SLC20A1: variants seen among roughly 807,000 people sequenced by gnomAD.
The protein encoded by SLC20A1 is sodium-dependent phosphate transporter 1.
SLC20A1 carries 28 observed loss-of-function variants against 62.7 expected under a neutral mutation model. That is an observed-to-expected ratio of 0.45 (90% CI 0.33 to 0.61). SLC20A1 has a LOEUF of 0.61. Ranked by LOEUF, SLC20A1 falls within the 20% of genes least tolerant of loss-of-function variation. SLC20A1 has a pLI of 0.02. For missense variants in SLC20A1, 673 were observed against 838.6 expected (o/e 0.80, Z 2.44); for synonymous variants, 305 against 302.9 (o/e 1.01, Z -0.07).
chr2:112,650,999 C>T (rs753313668), intron 4 of SLC20A1, among the ~76,000 whole-genome samples: 5 of 152,196 alleles, frequency 3.3e-5, no homozygotes, highest in Non-Finnish European at 7.3e-5. Flanking sequence ...TGACTGCCCT[C>T]AGAGTTTGAC....
chr2:112,652,642 C>A, intron 4 of SLC20A1, 60 bp from the exon 5 acceptor site: 1 of 1,347,582 alleles, frequency 7.4e-7, no homozygotes, highest in Non-Finnish European at 1.1e-6. Flanking sequence ...TTAAAAGATT[C>A]TGTGGAAATG....
chr2:112,662,917 G>C lies in SLC20A1; in HGVS notation c.1932G>C (p.Trp644Cys). The C allele has an allele frequency of 6.2e-7, 1 of 1,614,128 alleles. No homozygotes were observed. The highest frequency in any genetic ancestry group is 8.5e-7 in the Non-Finnish European group (1 of 1,180,022). Reference sequence around the variant, plus strand: ...TCCGGTCCAAGAAGGCTGTTGACTGGCGTCTCTTTCGTAACATTTTTATGG... The same window carrying C: ...TCCGGTCCAAGAAGGCTGTTGACTGCCGTCTCTTTCGTAACATTTTTATGG... ...GWLRSKKAVD[W>C]RLFRNIFMAW... Residue 644 changes from tryptophan (W) to cysteine (C), a missense_variant, in exon 11 of 11, where the codon TGG becomes TGC. Coordinates refer to ENST00000272542, the MANE Select transcript of SLC20A1 (RefSeq NM_005415.5).
chr2:112,650,374 C>A (rs1031485508), intron 4 of SLC20A1, among the ~76,000 whole-genome samples: 2 of 150,454 alleles, frequency 1.3e-5, no homozygotes, highest in Non-Finnish European at 3.0e-5. Context: ...ACTCTGTTGC[C>A]CAGGCTGGAA....
At position 112,659,362 on chromosome 2, in the gene SLC20A1, T is replaced by G. The variant is rs777811940; in HGVS notation, c.1207T>G (p.Cys403Gly). 1 of 1,614,166 alleles carries G rather than the reference T, an allele frequency of 6.2e-7. No individual in the cohort carries two copies. Among genetic ancestry groups the G allele is most frequent in the African/African-American group, 1.3e-5 (1 of 75,030 alleles). Reference sequence around the variant, plus strand: ...ATTACATCTTGCCAAGGTGGGAGATTGCATGGGAGACTCCGGTGACAAACC... The same window carrying G: ...ATTACATCTTGCCAAGGTGGGAGATGGCATGGGAGACTCCGGTGACAAACC... The part of the protein sequence containing the change: ...HKLHLAKVGD[C>G]MGDSGDKPLR... Residue 403 changes from cysteine (C) to glycine (G), a missense_variant, in exon 8 of 11, where the codon TGC becomes GGC. Coordinates refer to ENST00000272542, the MANE Select transcript of SLC20A1 (RefSeq NM_005415.5).
At chr2:112,652,590 C>T (rs1176941010) in intron 4 of SLC20A1, 112 bp from the exon 5 acceptor site, 13 of 813,010 alleles carry the variant, frequency 1.6e-5, no homozygotes, top group Non-Finnish European at 2.7e-5. Context: ...GGAAACTACT[C>T]TGGAGAGAGT....
intron 5 of SLC20A1, 110 bp from the exon 6 acceptor site, chr2:112,657,012 G>A: frequency 9.5e-6 from 12 of 1,268,502 alleles, no homozygotes; most frequent in Non-Finnish European, 1.4e-5. Flanking sequence ...GCAGCTGTCA[G>A]GGGTGATGGG....
intron 5 of SLC20A1, among the ~76,000 whole-genome samples, chr2:112,656,507 C>CA (rs1484287694): frequency 6.6e-6 from 1 of 152,174 alleles, no homozygotes; most frequent in African/African-American, 2.4e-5. Flanking sequence ...GGCTGAAAGA[C>CA]AAAGCTTTTA....
Position 112,647,366 on chromosome 2 carries a change from C to T in SLC20A1, c.377C>T (p.Pro126Leu), listed in dbSNP as rs1485945264. The change falls in exon 3 of 11, where the codon CCT becomes CTT. Residue 126 changes from proline to leucine, a missense_variant. Pro to Leu is a moderately conservative substitution (Grantham distance 98). Coordinates refer to ENST00000272542, the MANE Select transcript of SLC20A1 (RefSeq NM_005415.5). Reference protein sequence around the residue: ...WQLVASFLKLPISGTHCIVGA... With the variant: ...WQLVASFLKLLISGTHCIVGA... The stretch of plus-strand genomic sequence containing the variant: ...CTCGTGGCTTCGTTTTTGAAGCTCC[C>T]TATTTCTGGAACCCATTGTATTGTT... 6.2e-7 allele frequency: 1 copy of T among 1,614,100 alleles called. No individual in the cohort carries two copies. The highest frequency in any genetic ancestry group is 2.2e-5 in the East Asian group (1 of 44,888).
intron 5 of SLC20A1, among the ~76,000 whole-genome samples, chr2:112,656,771 G>C (rs1264030423): frequency 1.3e-5 from 2 of 152,198 alleles, no homozygotes; most frequent in African/African-American, 4.8e-5. Flanking sequence ...TAGGAGAGTG[G>C]AACACTTGCT....
rs1686802240 is a variant in SLC20A1, at chr2:112,663,400, A to G, written c.*375A>G. 1 of 347,246 alleles carries G rather than the reference A, an allele frequency of 2.9e-6. No homozygotes were observed. Among genetic ancestry groups the G allele is most frequent in the Non-Finnish European group, 5.5e-6 (1 of 180,800 alleles). The allele number at this position is 347,246 out of a possible 1,614,324, so 21.5% of individuals were successfully genotyped here. On this transcript the variant is annotated 3_prime_UTR_variant, in exon 11 of 11. Coordinates refer to ENST00000272542, the MANE Select transcript of SLC20A1 (RefSeq NM_005415.5). ...ACCATGAAGAGCCGTTTGACAGAGC[A>G]TGCTCTGCGTTGTTGGTTTCACCAG...
intron 4 of SLC20A1, 86 bp downstream of exon 4, chr2:112,647,824 G>A: frequency 2.8e-6 from 3 of 1,074,980 alleles, no homozygotes; most frequent in Admixed American, 1.8e-5. Context: ...GATGTGATTG[G>A]TGTATAGGTA....
chr2:112,652,613 A>G, intron 4 of SLC20A1, 89 bp from the exon 5 acceptor site: 2 of 1,034,546 alleles, frequency 1.9e-6, no homozygotes, highest in Non-Finnish European at 1.5e-6. Flanking sequence ...TTGGCACTAT[A>G]ATTCCCAAAC....
chr2:112,660,536 C>A lies in SLC20A1; in HGVS notation c.1757C>A (p.Thr586Asn). The part of the protein sequence containing the change: ...LWVWGRRVIQ[T>N]MGKDLTPITP... ...GTTTGGGGAAGAAGAGTTATCCAGA[C>A]CATGGGGAAGGATCTGACACCGATC... The change falls in exon 9 of 11, where the codon ACC becomes AAC. Residue 586 changes from threonine (T) to asparagine (N), a missense_variant. Physicochemically the swap from Thr to Asn is moderately conservative, Grantham distance 65 (BLOSUM62 0). Coordinates refer to ENST00000272542, the MANE Select transcript of SLC20A1 (RefSeq NM_005415.5). 1 of 1,613,978 alleles carries A rather than the reference C, an allele frequency of 6.2e-7. No homozygotes were observed. The highest frequency in any genetic ancestry group is 8.5e-7 in the Non-Finnish European group (1 of 1,179,954).
chr2:112,646,404 G>A (rs1686277343), intron 1 of SLC20A1, among the ~76,000 whole-genome samples, 159 bp from the exon 2 acceptor site: 1 of 151,990 alleles, frequency 6.6e-6, no homozygotes, highest in African/African-American at 2.4e-5. Context: ...CGGAGGACCC[G>A]GAGCCACGTG....
intron 4 of SLC20A1, among the ~76,000 whole-genome samples, chr2:112,651,728 G>C (rs183327732): frequency 6.6e-6 from 1 of 152,272 alleles, no homozygotes; most frequent in East Asian, 1.9e-4. Flanking sequence ...TTCGGTGTTT[G>C]ACTTGGGTGT....
chr2:112,660,789 A>C (rs1686728223), intron 9 of SLC20A1: 2 of 526,408 alleles, frequency 3.8e-6, no homozygotes, highest in Non-Finnish European at 6.6e-6. Context: ...GAAGAAAATG[A>C]CTTTTCTGAG....
chr2:112,658,565 T>G (rs1179044054), intron 6 of SLC20A1: 1 of 404,758 alleles, frequency 2.5e-6, no homozygotes, highest in African/African-American at 2.1e-5. Flanking sequence ...AACAATGTGC[T>G]ACAGAAGCCC....
chr2:112,650,640 T>C (rs968594156), intron 4 of SLC20A1, among the ~76,000 whole-genome samples: 55 of 151,914 alleles, frequency 3.6e-4, no homozygotes, highest in Admixed American at 2.6e-3. Context: ...TTTTTTTTTT[T>C]CTTAAGCGAA....
Position 112,659,714 on chromosome 2 carries a change from T to C in SLC20A1, c.1559T>C (p.Ile520Thr). The change falls in exon 8 of 11, where the codon ATC becomes ACC. Residue 520 changes from isoleucine to threonine, a missense_variant. By Grantham distance (89) the Ile-to-Thr change is moderately conservative. Transcript: ENST00000272542. ...EVSLLFQFLQ[I>T]LTACFGSFAH... The stretch of plus-strand genomic sequence containing the variant: ...TCTCTCCTCTTCCAGTTCCTGCAGA[T>C]CCTTACAGCCTGCTTTGGGTCATTC... The C allele has an allele frequency of 6.2e-7, 1 of 1,614,198 alleles. No homozygotes were observed. Among genetic ancestry groups the C allele is most frequent in the Non-Finnish European group, 8.5e-7 (1 of 1,180,010 alleles).
Sources: allele counts gnomAD v4.1 joint callset (sites outside exome capture counted in the v4.1 genomes callset), GRCh38; gene constraint gnomAD v4.1.1; transcripts MANE v1.5; gene names NCBI Gene and HGNC (gene_info 2026-07-23, HGNC 2026-07-21).